The following SETBP1 variants were observed in gnomAD, a reference collection of about 807,000 sequenced individuals.
SETBP1 encodes SET binding protein 1.
Under a neutral mutation model 101.0 loss-of-function variants are expected in SETBP1, and 9 were observed. The observed-to-expected ratio is 0.09, with a 90% CI of 0.05 to 0.16. The LOEUF is 0.16. Ranked by LOEUF, SETBP1 falls within the 10% of genes least tolerant of loss-of-function variation. The pLI, the probability that SETBP1 is intolerant of heterozygous loss-of-function variation, is 1.00. For missense variants in SETBP1, 1,858 were observed against 2,033.8 expected, an observed-to-expected ratio of 0.91 and a Z score of 1.66; for synonymous variants, 818 against 788.5, an observed-to-expected ratio of 1.04 and a Z score of -0.63.
chr18:44,986,404 A>G (rs966026391), intron 4 of SETBP1: 4 of 152,090 alleles, frequency 2.6e-5, no homozygotes, highest in Non-Finnish European at 5.9e-5. Flanking sequence ...ACATTACCAT[A>G]TACTATTATA....
intron 4 of SETBP1, among the ~76,000 whole-genome samples, chr18:44,980,095 A>T (rs1386970701): frequency 6.6e-6 from 1 of 152,226 alleles, no homozygotes; most frequent in African/African-American, 2.4e-5. Flanking sequence ...GGAACCGGAC[A>T]ATAAGCAAAG....
At chr18:45,042,426 A>G (rs1221277481) in intron 5 of SETBP1, among the ~76,000 whole-genome samples, 1 of 152,210 alleles carries the variant, frequency 6.6e-6, no homozygotes, top group Non-Finnish European at 1.5e-5. Flanking sequence ...CTAGGATTAC[A>G]GGCATAATGA....
intron 2 of SETBP1, among the ~76,000 whole-genome samples, chr18:44,745,652 G>A (rs569407035): frequency 5.1e-4 from 77 of 152,330 alleles, no homozygotes; most frequent in African/African-American, 1.7e-3. Context: ...ACGAGCTTGT[G>A]CTCAACCTTG....
In SETBP1 at chr18:44,950,624, G is replaced by A. The variant is rs2071322465; in HGVS notation, c.1284G>A (p.Val428=). 6.2e-7 allele frequency: 1 copy of A among 1,614,098 alleles called. No homozygotes were observed. Among genetic ancestry groups the A allele is most frequent in the East Asian group, 2.2e-5 (1 of 44,862 alleles). The change falls in exon 4 of 6, where the codon GTG becomes GTA. Residue 428 remains valine, a synonymous_variant. Coordinates refer to ENST00000649279, the MANE Select transcript of SETBP1 (RefSeq NM_015559.3). ...RKKRQSIKAV[V]EKIMPEKALA... is the part of the protein sequence containing the mutation. Reference sequence around the variant, plus strand: ...AAAGACAGTCCATTAAAGCGGTGGTGGAAAAGATCATGCCAGAGAAAGCCT... The same window carrying A: ...AAAGACAGTCCATTAAAGCGGTGGTAGAAAAGATCATGCCAGAGAAAGCCT...
intron 2 of SETBP1, among the ~76,000 whole-genome samples, chr18:44,818,787 C>G (rs898509850): frequency 6.6e-6 from 1 of 151,346 alleles, no homozygotes; most frequent in African/African-American, 2.4e-5. Flanking sequence ...ACACTCCTCA[C>G]CATCATAACA....
chr18:44,898,697 T>G (rs917164736), intron 3 of SETBP1, among the ~76,000 whole-genome samples: 1 of 152,078 alleles, frequency 6.6e-6, no homozygotes, highest in African/African-American at 2.4e-5. Context: ...TAAATTCCTT[T>G]TAGGATTAGA....
At chr18:44,833,667 C>T (rs140037348) in intron 2 of SETBP1, among the ~76,000 whole-genome samples, 1 of 152,232 alleles carries the variant, frequency 6.6e-6, no homozygotes, top group African/African-American at 2.4e-5. Context: ...GGCAGACATG[C>T]AAAGGTGGGT....
chr18:44,792,860 G>T (rs1294836475), intron 2 of SETBP1, among the ~76,000 whole-genome samples: 1 of 144,206 alleles, frequency 6.9e-6, no homozygotes, highest in South Asian at 2.2e-4. Context: ...TAATCTAGGA[G>T]AAAAAAAAAA....
At chr18:44,764,430 T>C (rs1016173979) in intron 2 of SETBP1, among the ~76,000 whole-genome samples, 7 of 152,022 alleles carry the variant, frequency 4.6e-5, no homozygotes, top group African/African-American at 9.7e-5. Context: ...CTGTCCTCCT[T>C]CTTCTTCTTC....
chr18:44,995,135 C>CTTTTTTTTTTTTTTTTTTTTTTTT (rs58617770), intron 4 of SETBP1, among the ~76,000 whole-genome samples: 1 of 95,028 alleles, frequency 1.1e-5, no homozygotes, highest in Non-Finnish European at 2.0e-5. Flanking sequence ...ATGTTATTTA[C>CTTTTTTTTTTTTTTTTTTTTTTTT]TTTTTTTTTT....
intron 2 of SETBP1, among the ~76,000 whole-genome samples, chr18:44,709,300 T>C (rs906233862): frequency 1.3e-5 from 2 of 152,216 alleles, no homozygotes; most frequent in African/African-American, 4.8e-5. Context: ...GAAAGTCATT[T>C]ATTCTCTGAA....
Position 45,063,813 on chromosome 18 carries a change from A to G in SETBP1, c.*115A>G, listed in dbSNP as rs2073932432. ...GGGACACCCACGCCCTTCTCTCCAG[A>G]AGCCGGGCAGGCAGAATCCGGCCAG... On this transcript the variant is annotated 3_prime_UTR_variant, in exon 6 of 6. Transcript: ENST00000649279. 1.6e-6 allele frequency: 2 copies of G among 1,254,288 alleles called. No homozygotes were observed. Among genetic ancestry groups the G allele is most frequent in the Non-Finnish European group, 2.2e-6 (2 of 909,700 alleles). The allele number at this position is 1,254,288 out of a possible 1,614,324, so 77.7% of individuals were successfully genotyped here.
intron 1 of SETBP1, among the ~76,000 whole-genome samples, chr18:44,687,829 A>C (rs2068862892): frequency 6.6e-6 from 1 of 152,084 alleles, no homozygotes; most frequent in African/African-American, 2.4e-5. Flanking sequence ...AAGATCATGA[A>C]GTCTAGGGCC....
At chr18:44,759,425 G>A (rs1238281809) in intron 2 of SETBP1, among the ~76,000 whole-genome samples, 11 of 152,072 alleles carry the variant, frequency 7.2e-5, no homozygotes, top group Non-Finnish European at 1.5e-4. Flanking sequence ...AGAGCTTTCC[G>A]GGTCTAACTG....
intron 3 of SETBP1, among the ~76,000 whole-genome samples, chr18:44,921,978 G>A (rs894344098): frequency 4.6e-5 from 7 of 152,070 alleles, no homozygotes; most frequent in Admixed American, 6.5e-5. Flanking sequence ...ATTTCCAGAC[G>A]TCAGATTAGA....
intron 4 of SETBP1, among the ~76,000 whole-genome samples, chr18:45,002,971 A>G (rs1568021450): frequency 1.3e-5 from 2 of 152,192 alleles, no homozygotes; most frequent in Non-Finnish European, 2.9e-5. Flanking sequence ...GCACCTTGGT[A>G]TATGTGAGAA....
chr18:44,951,420 G>C lies in SETBP1; in HGVS notation c.2080G>C (p.Ala694Pro). The change falls in exon 4 of 6, where the codon GCT becomes CCT. Residue 694 changes from alanine (A) to proline (P), a missense_variant. Transcript: ENST00000649279. The surrounding 1 kb of genome is among the most constrained non-coding windows in gnomAD (Gnocchi z 7.8). ...CAGCAGCGTTGCTCTGAAGGCAAAA[G>C]CTCCCCCAGAGACCAGCCCTGGGGC... Reference protein sequence around the residue: ...CSSSVALKAKAPPETSPGAAA... With the variant: ...CSSSVALKAKPPPETSPGAAA... The C allele has an allele frequency of 6.2e-7, 1 of 1,614,092 alleles. No individual in the cohort carries two copies.
At chr18:44,978,222 A>C (rs989755407) in intron 4 of SETBP1, among the ~76,000 whole-genome samples, 1 of 152,170 alleles carries the variant, frequency 6.6e-6, no homozygotes, top group African/African-American at 2.4e-5. Flanking sequence ...TAAGAGCGTC[A>C]ATACAGAGTT....
intron 2 of SETBP1, among the ~76,000 whole-genome samples, chr18:44,727,219 T>TGTGTGTGTGTGTGTG (rs1555673193): frequency 6.6e-6 from 1 of 151,300 alleles, no homozygotes; most frequent in Non-Finnish European, 1.5e-5. Flanking sequence ...TGTGTGTGTG[T>TGTGTGTGTGTGTGTG]TGATACCCAA....
Sources: allele counts gnomAD v4.1 joint callset (sites outside exome capture counted in the v4.1 genomes callset), GRCh38; gene constraint gnomAD v4.1.1; non-coding constraint Gnocchi (gnomAD v3.1); transcripts MANE v1.5; gene names NCBI Gene and HGNC (gene_info 2026-07-23, HGNC 2026-07-21).